Variants in AOPEP observed in about 807,000 individuals in gnomAD.
The protein encoded by AOPEP is aminopeptidase O (putative).
A neutral mutation model predicts 98.1 loss-of-function variants in AOPEP; 77 were observed. The observed-to-expected ratio is 0.78, with a 90% CI of 0.65 to 0.95. The LOEUF is 0.95. AOPEP is among the 40% of genes least tolerant of loss of function. The pLI is 0.00. For missense variants in AOPEP, 1,024 were observed against 1,024.7 expected (o/e 1.00, Z 0.01); for synonymous variants, 346 against 365.3 (o/e 0.95, Z 0.60).
chr9:94,816,681 G>A (rs1259992278), intron 5 of AOPEP, among the ~76,000 whole-genome samples: 1 of 152,144 alleles, frequency 6.6e-6, no homozygotes, highest in Non-Finnish European at 1.5e-5. Flanking sequence ...AAGAAGACTG[G>A]GGAGTTGGAG....
chr9:94,912,667 A>G (rs530139764), intron 5 of AOPEP, among the ~76,000 whole-genome samples: 15 of 152,358 alleles, frequency 9.8e-5, no homozygotes, highest in African/African-American at 3.4e-4. Context: ...GAGACTAAAG[A>G]GTAGGAATCT....
intron 10 of AOPEP, among the ~76,000 whole-genome samples, chr9:94,977,986 G>A (rs1336498581): frequency 6.6e-6 from 1 of 152,166 alleles, no homozygotes; most frequent in Admixed American, 6.5e-5. Flanking sequence ...GGGAGGACGA[G>A]GGGCACCAGT....
At chr9:95,034,663 G>C (rs2064622598) in intron 13 of AOPEP, among the ~76,000 whole-genome samples, 1 of 152,238 alleles carries the variant, frequency 6.6e-6, no homozygotes, top group Non-Finnish European at 1.5e-5. Flanking sequence ...GAAGGCATTT[G>C]TTTGGAAGAT....
intron 13 of AOPEP, among the ~76,000 whole-genome samples, chr9:95,026,274 A>G (rs1040435959): frequency 2.0e-5 from 3 of 152,206 alleles, no homozygotes; most frequent in African/African-American, 4.8e-5. Context: ...AAGTTGTGCA[A>G]CCATCACCAC....
intron 11 of AOPEP, among the ~76,000 whole-genome samples, chr9:94,995,337 G>A (rs1390048119): frequency 1.3e-5 from 2 of 152,152 alleles, no homozygotes; most frequent in Non-Finnish European, 2.9e-5. Flanking sequence ...TCTATTTTGT[G>A]CCTTTTACCA....
intron 7 of AOPEP, among the ~76,000 whole-genome samples, chr9:94,950,713 G>T (rs1356965338): frequency 6.6e-6 from 1 of 152,186 alleles, no homozygotes; most frequent in African/African-American, 2.4e-5. Context: ...TTAGTCCCTG[G>T]CTCAGGCGTG....
At chr9:94,749,151 T>A (rs1038746316) in intron 1 of AOPEP, among the ~76,000 whole-genome samples, 2 of 152,256 alleles carry the variant, frequency 1.3e-5, no homozygotes, top group African/African-American at 2.4e-5. Flanking sequence ...TTTAAACAAA[T>A]GATTACTTAT....
chr9:95,125,802 G>C, the AOPEP span, among the ~76,000 whole-genome samples: 1 of 152,222 alleles, frequency 6.6e-6, no homozygotes, highest in African/African-American at 2.4e-5. Context: ...CTGTGTGTTA[G>C]GTGGGAGGGG....
At chr9:94,966,163 CATCA>C in intron 9 of AOPEP, among the ~76,000 whole-genome samples, 1 of 149,942 alleles carries the variant, frequency 6.7e-6, no homozygotes, top group African/African-American at 2.5e-5. Context: ...CACTGGGTGT[CATCA>C]GAGTCTTGTG....
At chr9:94,960,808 C>G (rs1360454784) in intron 9 of AOPEP, among the ~76,000 whole-genome samples, 2 of 151,914 alleles carry the variant, frequency 1.3e-5, no homozygotes, top group African/African-American at 2.4e-5. Flanking sequence ...GTCAGGAGAT[C>G]GAGACCATCT....
At chr9:94,803,036 C>T (rs927973681) in intron 5 of AOPEP, among the ~76,000 whole-genome samples, 1 of 152,088 alleles carries the variant, frequency 6.6e-6, no homozygotes, top group Non-Finnish European at 1.5e-5. Context: ...ATGGTCGAGA[C>T]TTTGCTTGAG....
intron 7 of AOPEP, among the ~76,000 whole-genome samples, chr9:94,951,785 G>A (rs2058113503): frequency 6.6e-6 from 1 of 152,176 alleles, no homozygotes; most frequent in East Asian, 1.9e-4. Flanking sequence ...GCTCTCCACA[G>A]AATCCTGGTT....
At chr9:94,923,300 A>G (rs1415837903) in intron 5 of AOPEP, among the ~76,000 whole-genome samples, 1 of 152,180 alleles carries the variant, frequency 6.6e-6, no homozygotes, top group African/African-American at 2.4e-5. Flanking sequence ...TCCTGGGGCC[A>G]TTTGCACACC....
intron 3 of AOPEP, among the ~76,000 whole-genome samples, chr9:94,785,272 A>G (rs1341724953): frequency 6.6e-6 from 1 of 152,234 alleles, no homozygotes; most frequent in Non-Finnish European, 1.5e-5. Context: ...GTGATTTGAA[A>G]ATTGATCCAT....
chr9:94,892,960 T>G (rs1342016358), intron 5 of AOPEP, among the ~76,000 whole-genome samples: 1 of 152,230 alleles, frequency 6.6e-6, no homozygotes, highest in Non-Finnish European at 1.5e-5. Context: ...CCCAAAGTGC[T>G]GGGATTCCAG....
intron 13 of AOPEP, chr9:95,020,027 G>A (rs544209834): frequency 6.6e-6 from 1 of 152,344 alleles, no homozygotes; most frequent in East Asian, 1.9e-4. Context: ...TCCAAGGCTG[G>A]AGTTGTGAGA....
chr9:95,057,779 C>T (rs573462262), intron 13 of AOPEP, among the ~76,000 whole-genome samples: 74 of 152,198 alleles, frequency 4.9e-4, no homozygotes, highest in Non-Finnish European at 1.5e-5. Context: ...AACTAAAAGC[C>T]AGGTGGCCGC....
intron 5 of AOPEP, among the ~76,000 whole-genome samples, chr9:94,920,956 C>T (rs1564382282): frequency 6.6e-6 from 1 of 151,456 alleles, no homozygotes; most frequent in African/African-American, 2.4e-5. Flanking sequence ...CCACTTGGAG[C>T]CAAAAAGAAT....
rs540234474 is a variant in AOPEP at position 94,750,780 on chromosome 9, G to A, written c.-135-8869G>A. Among the ~76,000 whole-genome samples the A allele has an allele frequency of 9.4e-4, 125 of 132,996 alleles. 1 individual carries two copies. The highest frequency in any genetic ancestry group is 9.5e-3 in the Middle Eastern group (2 of 210). 87.3% of individuals were successfully genotyped at this position (132,996 alleles called of 152,430 possible). ...TCTTTTTTTTTTTTTTTTGTGAGAC[G>A]GAGTCTCACTCTGTCGCCAGGCAGT... On this transcript the variant is annotated intron_variant, in intron 1 of 16. Coordinates refer to ENST00000375315, the MANE Select transcript of AOPEP (RefSeq NM_001193329.3).
Sources: allele counts gnomAD v4.1 joint callset (sites outside exome capture counted in the v4.1 genomes callset), GRCh38; gene constraint gnomAD v4.1.1; transcripts MANE v1.5; gene names NCBI Gene and HGNC (gene_info 2026-07-23, HGNC 2026-07-21).